The following TRRAP variants were observed in gnomAD, a reference collection of about 807,000 sequenced individuals.
TRRAP encodes the protein transformation/transcription domain associated protein.
TRRAP carries 41 observed loss-of-function variants against 438.8 expected under a neutral mutation model. The observed-to-expected ratio is 0.09, with a 90% confidence interval of 0.07 to 0.12. The LOEUF is 0.12. Ranked by LOEUF, TRRAP falls within the 10% of genes least tolerant of loss-of-function variation. The pLI, the probability that TRRAP is intolerant of heterozygous loss-of-function variation, is 1.00. For synonymous variants in TRRAP, 1,994 were observed against 1,962.9 expected, an observed-to-expected ratio of 1.02 and a Z score of -0.42; for missense variants, 3,122 against 5,055.1, an observed-to-expected ratio of 0.62 and a Z score of 11.60.
chr7:98,903,553 T>C, intron 12 of TRRAP, 36 bp downstream of exon 12: 13 of 1,611,752 alleles, frequency 8.1e-6, no homozygotes, highest in Non-Finnish European at 1.1e-5. Flanking sequence ...ATGCTGATGC[T>C]AGTCCTGTGG....
chr7:98,902,493 G>GA (rs1796514218), intron 11 of TRRAP, among the ~76,000 whole-genome samples: 1 of 152,134 alleles, frequency 6.6e-6, no homozygotes, highest in Non-Finnish European at 1.5e-5. Context: ...TTAAAGAGCT[G>GA]AATTGTTTAG....
At chr7:98,966,970 A>G in intron 49 of TRRAP, 71 bp from the exon 50 acceptor site, 4 of 1,505,280 alleles carry the variant, frequency 2.7e-6, no homozygotes, top group Non-Finnish European at 3.6e-6. Flanking sequence ...ATAAAATTGT[A>G]GGAGCTTAAA....
Position 98,956,079 on chromosome 7 carries a change from G to T in TRRAP, c.5938-67G>T. ...GTCGGGGGTGTGTGTGTGCACGTGC[G>T]CACACGTGCATGCACTGTGGGACCA... is the stretch of plus-strand genomic sequence containing the variant. On this transcript the variant is annotated intron_variant, in intron 41 of 72. Coordinates refer to ENST00000456197, the MANE Select transcript of TRRAP (RefSeq NM_001375524.1). This position sits in a 1 kb window ranked among gnomAD's most constrained non-coding sequence, Gnocchi z 4.5. 1 of 1,541,238 alleles carries T rather than the reference G, an allele frequency of 6.5e-7. No individual in the cohort carries two copies. Among genetic ancestry groups the T allele is most frequent in the East Asian group, 2.3e-5 (1 of 44,028 alleles).
chr7:98,926,097 C>T (rs958323491), intron 22 of TRRAP, among the ~76,000 whole-genome samples: 6 of 151,942 alleles, frequency 3.9e-5, no homozygotes, highest in Non-Finnish European at 5.9e-5. Context: ...AAGAAGTTGT[C>T]GAATACTTAT....
At chr7:98,952,136 G>A (rs551774559) in intron 39 of TRRAP, among the ~76,000 whole-genome samples, 1 of 152,326 alleles carries the variant, frequency 6.6e-6, no homozygotes, top group South Asian at 2.1e-4. Flanking sequence ...GAATTATTAA[G>A]ACCTGGTAGA....
At position 98,950,949 on chromosome 7, in the gene TRRAP, C is replaced by G. The variant is rs782176312; in HGVS notation, c.5408C>G (p.Pro1803Arg). The change falls in exon 39 of 73, where the codon CCT becomes CGT. Residue 1803 changes from proline (P) to arginine (R), a missense_variant. By Grantham distance (103) the Pro-to-Arg change is moderately radical (BLOSUM62 -2). Around this residue, in one of 24 missense-constraint regions of TRRAP, gnomAD observed 272 missense variants for 348.5 expected, o/e 0.78. Coordinates refer to ENST00000456197, the MANE Select transcript of TRRAP (RefSeq NM_001375524.1). ...EKGEGEQLLG[P>R]PNPEGDNPES... is the part of the protein sequence containing the mutation. ...GGGGAAGGAGAGCAGCTCTTGGGAC[C>G]TCCCAATCCAGAAGGAGATAACCCA... 6.2e-7 allele frequency: 1 copy of G among 1,610,578 alleles called. No individual in the cohort carries two copies. The highest frequency in any genetic ancestry group is 1.7e-5 in the Admixed American group (1 of 59,194).
chr7:98,955,073 C>A, intron 40 of TRRAP, 25 bp from the exon 41 acceptor site: 1 of 1,599,002 alleles, frequency 6.3e-7, no homozygotes, highest in South Asian at 1.1e-5. Context: ...TCTCATCCTC[C>A]ATAAACGTCT....
intron 40 of TRRAP, among the ~76,000 whole-genome samples, chr7:98,953,668 T>C (rs1261461915): frequency 3.3e-5 from 5 of 152,114 alleles, no homozygotes; most frequent in African/African-American, 1.2e-4. Flanking sequence ...GAGCGAGTAT[T>C]GAATGGTGCG....
intron 23 of TRRAP, among the ~76,000 whole-genome samples, chr7:98,927,791 C>T (rs536902136): frequency 2.6e-5 from 4 of 152,100 alleles, no homozygotes; most frequent in Non-Finnish European, 4.4e-5. Flanking sequence ...CTGCGATGCC[C>T]GTTTCTGCTC....
intron 20 of TRRAP, among the ~76,000 whole-genome samples, chr7:98,920,429 C>G (rs1268938434): frequency 6.6e-6 from 1 of 150,854 alleles, no homozygotes; most frequent in East Asian, 2.0e-4. Context: ...GAGATTGCAC[C>G]ACTGCACTCC....
At chr7:98,950,472 T>C (rs1554417997) in intron 38 of TRRAP, among the ~76,000 whole-genome samples, 1 of 152,146 alleles carries the variant, frequency 6.6e-6, no homozygotes, top group African/African-American at 2.4e-5. Flanking sequence ...CACCGAGCTA[T>C]AATCACACCA....
intron 4 of TRRAP, among the ~76,000 whole-genome samples, 176 bp from the exon 5 acceptor site, chr7:98,892,248 G>A (rs1172380110): frequency 1.3e-5 from 2 of 152,138 alleles, no homozygotes; most frequent in African/African-American, 4.8e-5. Flanking sequence ...CTTACTTTGG[G>A]TTACATTTAA....
rs782141695 is a variant in TRRAP at position 98,899,525 on chromosome 7, T to C, written c.711+26T>C. On this transcript the variant is annotated intron_variant, in intron 9 of 72. Coordinates refer to ENST00000456197, the MANE Select transcript of TRRAP (RefSeq NM_001375524.1). Reference sequence around the variant, plus strand: ...GTATGTGTATTGCTCATTAGTCTCTTGGGTTTTGGGCTTCTTATAAGAAAA... The same window carrying C: ...GTATGTGTATTGCTCATTAGTCTCTCGGGTTTTGGGCTTCTTATAAGAAAA... The C allele has an allele frequency of 2.5e-6, 4 of 1,612,934 alleles. No homozygotes were observed. The Admixed American group carries it at 6.7e-5, about 27-fold the overall frequency.
At chr7:98,946,152 G>A (rs904237801) in intron 33 of TRRAP, among the ~76,000 whole-genome samples, 4 of 152,176 alleles carry the variant, frequency 2.6e-5, no homozygotes, top group African/African-American at 9.7e-5. Context: ...CTATTAGGAT[G>A]TTTTAAGCAA....
intron 52 of TRRAP, among the ~76,000 whole-genome samples, chr7:98,970,579 G>T (rs950803705): frequency 2.0e-5 from 3 of 150,270 alleles, no homozygotes; most frequent in Admixed American, 6.6e-5. Flanking sequence ...TCTGAATGTG[G>T]TACCTAAGTT....
intron 67 of TRRAP, chr7:98,998,792 GACTCACC>G (rs1190928012): frequency 4.0e-6 from 1 of 250,270 alleles, no homozygotes; most frequent in East Asian, 1.1e-4. Context: ...AGTGCCCTCT[GACTCACC>G]CTCTTACCTT....
At position 98,895,851 on chromosome 7, in the gene TRRAP, C is replaced by A. The variant is rs1554405657; in HGVS notation, c.507+31C>A. The A allele has an allele frequency of 2.6e-6, 4 of 1,547,860 alleles. No individual in the cohort carries two copies. The Admixed American group carries it at 5.5e-5, about 21-fold the overall frequency. ...TTTTTACTTTGGTTTTAATTAGTTACATTTGTTTATACTTCCTTATTCCAA... is the reference window on the plus strand; with the variant it reads ...TTTTTACTTTGGTTTTAATTAGTTAAATTTGTTTATACTTCCTTATTCCAA... On this transcript the variant is annotated intron_variant, in intron 7 of 72. Transcript: ENST00000456197.
intron 58 of TRRAP, among the ~76,000 whole-genome samples, chr7:98,981,275 G>T (rs747991719): frequency 4.6e-5 from 7 of 152,112 alleles, no homozygotes; most frequent in Non-Finnish European, 7.3e-5. Flanking sequence ...GGTGGCACAC[G>T]CCTGTAATCC....
chr7:98,891,356 T>C (rs1350247722), intron 4 of TRRAP, among the ~76,000 whole-genome samples: 51 of 143,702 alleles, frequency 3.5e-4, no homozygotes, highest in Admixed American at 2.1e-4. Flanking sequence ...GGATTACAGG[T>C]GCATGCCACC....
Sources: allele counts gnomAD v4.1 joint callset (sites outside exome capture counted in the v4.1 genomes callset), GRCh38; gene constraint gnomAD v4.1.1; regional missense constraint gnomAD v4.1.1; non-coding constraint Gnocchi (gnomAD v3.1); transcripts MANE v1.5; gene names NCBI Gene and HGNC (gene_info 2026-07-23, HGNC 2026-07-21).